MAP7: variants seen among roughly 807,000 people sequenced by gnomAD.
The protein encoded by MAP7 is microtubule associated protein 7.
Under a neutral mutation model 94.8 loss-of-function variants are expected in MAP7, and 52 were observed. That is an observed-to-expected ratio of 0.55 (90% CI 0.44 to 0.69). The LOEUF (loss-of-function observed/expected upper bound fraction) is 0.69. MAP7 is among the 30% of genes least tolerant of loss of function. The probability of loss-of-function intolerance (pLI) is 0.00; values close to 1 mark genes in which losing one functional copy is unlikely to be tolerated. For synonymous variants in MAP7, 350 were observed against 357.0 expected, an observed-to-expected ratio of 0.98 and a Z score of 0.22; for missense variants, 940 against 964.6, an observed-to-expected ratio of 0.97 and a Z score of 0.34.
chr6:136,426,668 C>G (rs1793257774), intron 1 of MAP7, among the ~76,000 whole-genome samples: 1 of 152,158 alleles, frequency 6.6e-6, no homozygotes, highest in African/African-American at 2.4e-5. Context: ...GCAAAACTAC[C>G]AAGGCAAAGA....
At chr6:136,526,275 GCGCA>G in intron 1 of MAP7, 4 of 1,063,592 alleles carry the variant, frequency 3.8e-6, no homozygotes, top group East Asian at 7.7e-5. Context: ...GTACACGCGC[GCGCA>G]CACACACACA....
intron 7 of MAP7, among the ~76,000 whole-genome samples, chr6:136,375,041 A>G (rs1421765483): frequency 6.6e-6 from 1 of 151,456 alleles, no homozygotes; most frequent in Non-Finnish European, 1.5e-5. Flanking sequence ...ATTTGATCCT[A>G]CTCTTGGTGG....
At chr6:136,377,524 C>A (rs1776513753) in intron 7 of MAP7, among the ~76,000 whole-genome samples, 1 of 152,178 alleles carries the variant, frequency 6.6e-6, no homozygotes, top group African/African-American at 2.4e-5. Flanking sequence ...CTGAAGCCAT[C>A]GGAGCCCGGG....
intron 3 of MAP7, among the ~76,000 whole-genome samples, chr6:136,403,150 G>A (rs1784655455): frequency 6.6e-6 from 1 of 152,012 alleles, no homozygotes; most frequent in Non-Finnish European, 1.5e-5. Context: ...CCACCCTAAT[G>A]GATGAGGAGG....
At chr6:136,548,778 C>A (rs1207590672) in intron 1 of MAP7, among the ~76,000 whole-genome samples, 1 of 152,212 alleles carries the variant, frequency 6.6e-6, no homozygotes, top group Non-Finnish European at 1.5e-5. Context: ...TAACACTTAG[C>A]TCGCTAGAAC....
intron 1 of MAP7, among the ~76,000 whole-genome samples, chr6:136,483,505 T>C (rs902388882): frequency 1.3e-5 from 2 of 152,118 alleles, no homozygotes; most frequent in African/African-American, 4.8e-5. Context: ...ACCCTTGATA[T>C]AAAAGTATTT....
At chr6:136,488,819 C>T (rs1418762969) in intron 1 of MAP7, among the ~76,000 whole-genome samples, 1 of 152,104 alleles carries the variant, frequency 6.6e-6, no homozygotes, top group Non-Finnish European at 1.5e-5. Flanking sequence ...ACATGCAAGT[C>T]ATCGTTAGGA....
At chr6:136,376,131 C>T (rs933610232) in intron 7 of MAP7, among the ~76,000 whole-genome samples, 29 of 151,928 alleles carry the variant, frequency 1.9e-4, no homozygotes, top group Non-Finnish European at 4.0e-4. Flanking sequence ...CGGAGTCTCG[C>T]TCTATCCCCC....
At chr6:136,400,762 C>G (rs551336791) in intron 3 of MAP7, among the ~76,000 whole-genome samples, 1 of 152,208 alleles carries the variant, frequency 6.6e-6, no homozygotes, top group Admixed American at 6.5e-5. Context: ...AGCTCTGACT[C>G]GAAAGCTTGT....
chr6:136,473,255 G>A (rs934040370), intron 1 of MAP7, among the ~76,000 whole-genome samples: 2 of 152,174 alleles, frequency 1.3e-5, no homozygotes, highest in South Asian at 2.1e-4. Context: ...CAGCATTACT[G>A]CAGGAGGAGA....
chr6:136,439,032 T>A (rs1021899909), intron 1 of MAP7, among the ~76,000 whole-genome samples: 2 of 152,178 alleles, frequency 1.3e-5, no homozygotes, highest in African/African-American at 4.8e-5. Context: ...TTCATTGAAG[T>A]GAGATCTTCA....
Position 136,359,972 on chromosome 6 carries a change from T to G in MAP7, c.1854+9A>C. The stretch of plus-strand genomic sequence containing the variant: ...TACAAAAGTAGTTAGAAAACGGCCA[T>G]GTCAATACCTTATCTGTAGCTTCTG... On this transcript the variant is annotated intron_variant, in intron 14 of 17. Coordinates refer to ENST00000354570, the MANE Select transcript of MAP7 (RefSeq NM_003980.6). 1 of 1,613,148 alleles carries G rather than the reference T, an allele frequency of 6.2e-7. No homozygotes were observed. The highest frequency in any genetic ancestry group is 1.1e-5 in the South Asian group (1 of 90,738).
At chr6:136,352,103 T>A (rs1789384618) in intron 16 of MAP7, among the ~76,000 whole-genome samples, 1 of 151,946 alleles carries the variant, frequency 6.6e-6, no homozygotes, top group South Asian at 2.1e-4. Flanking sequence ...TCTAACAAGG[T>A]CTGGATTACA....
At chr6:136,430,689 T>C (rs1362233798) in intron 1 of MAP7, among the ~76,000 whole-genome samples, 1 of 152,188 alleles carries the variant, frequency 6.6e-6, no homozygotes, top group Non-Finnish European at 1.5e-5. Flanking sequence ...TTAAAGGTTG[T>C]CTAAAATTAT....
chr6:136,394,541 T>A (rs1156738961), intron 3 of MAP7, among the ~76,000 whole-genome samples: 1 of 152,154 alleles, frequency 6.6e-6, no homozygotes, highest in Non-Finnish European at 1.5e-5. Context: ...CTAGGATACC[T>A]ATCACCTCAG....
At chr6:136,505,712 C>T (rs1350683810) in intron 1 of MAP7, among the ~76,000 whole-genome samples, 1 of 151,938 alleles carries the variant, frequency 6.6e-6, no homozygotes, top group African/African-American at 2.4e-5. Flanking sequence ...ATAATCTGTA[C>T]AACACCCGTG....
At chr6:136,545,299 C>T (rs1307065159) in intron 1 of MAP7, 12 of 151,550 alleles carry the variant, frequency 7.9e-5, no homozygotes, top group Admixed American at 7.9e-4. Flanking sequence ...CCAGGTGCAC[C>T]CTTCCCAAAG....
At chr6:136,397,572 C>G (rs1394419353) in intron 3 of MAP7, among the ~76,000 whole-genome samples, 1 of 148,292 alleles carries the variant, frequency 6.7e-6, no homozygotes, top group African/African-American at 2.5e-5. Context: ...AAAATAGGAC[C>G]TTTAGGAGGT....
chr6:136,460,372 T>C (rs1320909272), intron 1 of MAP7, among the ~76,000 whole-genome samples: 1 of 152,198 alleles, frequency 6.6e-6, no homozygotes, highest in Non-Finnish European at 1.5e-5. Context: ...TGTTTCTTTT[T>C]GTTTTTGCCA....
Sources: allele counts gnomAD v4.1 joint callset (sites outside exome capture counted in the v4.1 genomes callset), GRCh38; gene constraint gnomAD v4.1.1; transcripts MANE v1.5; gene names NCBI Gene and HGNC (gene_info 2026-07-23, HGNC 2026-07-21).